Variants in ZBTB38 observed in about 807,000 individuals in gnomAD.
The protein encoded by ZBTB38 is zinc finger and BTB domain-containing protein 38.
In ZBTB38, 20 loss-of-function variants were observed where a neutral mutation model predicts 76.8. The observed-to-expected ratio is 0.26, with a 90% confidence interval of 0.18 to 0.38. The LOEUF (loss-of-function observed/expected upper bound fraction) is 0.38. Ranked by LOEUF, ZBTB38 falls within the 10% of genes least tolerant of loss-of-function variation. ZBTB38 has a pLI of 1.00. For synonymous variants in ZBTB38, 504 were observed against 544.2 expected (o/e 0.93, Z 1.03); for missense variants, 1,082 against 1,482.3 (o/e 0.73, Z 4.43).
rs1325676793 is a variant in ZBTB38 at position 141,402,462 on chromosome 3, C to G, written c.-105-1465C>G. 9 of 151,042 alleles carry G rather than the reference C, an allele frequency of 6.0e-5. No homozygotes were observed. The East Asian group carries it at 1.7e-3, about 29-fold the overall frequency. The allele number at this position is 151,042 out of a possible 1,614,324, so 9.4% of individuals were successfully genotyped here. A position where few individuals can be genotyped will look rare whatever the true frequency, so the allele number is the denominator to read the frequency against. On this transcript the variant is annotated intron_variant, in intron 4 of 5. Transcript: ENST00000321464. ...GGAGCCGAGCCCCGTAAGTGCCCCT[C>G]GCAGGGTCTTCGCGGGGCCGGGGGC...
chr3:141,444,813 G>A lies in ZBTB38; in HGVS notation c.2425G>A (p.Ala809Thr), dbSNP rs3732867. Residue 809 changes from alanine (A) to threonine (T), a missense_variant, in exon 6 of 6, where the codon GCT becomes ACT. By Grantham distance (58) the Ala-to-Thr change is moderately conservative (BLOSUM62 0). Coordinates refer to ENST00000321464, the MANE Select transcript of ZBTB38 (RefSeq NM_001376113.1). The surrounding 1 kb of genome is among the most constrained non-coding windows in gnomAD (Gnocchi z 5.1). ...ATCACTGAGCAAAACCACAAATATT[G>A]CTGAAGAAACCAGCAAAATTGAAAC... Reference protein sequence around the residue: ...GGSLSKTTNIAEETSKIETYI... With the variant: ...GGSLSKTTNITEETSKIETYI... 4.7e-3 allele frequency: 7,574 copies of A among 1,614,132 alleles called. 155 individuals carry two copies. The highest frequency in any genetic ancestry group is 0.046 in the African/African-American group (3,439 of 75,030).
intron 1 of ZBTB38, among the ~76,000 whole-genome samples, chr3:141,356,287 G>A (rs1943659935): frequency 6.6e-6 from 1 of 152,096 alleles, no homozygotes; most frequent in South Asian, 2.1e-4. Context: ...CTGGAGTAAG[G>A]AATAGGACTG....
chr3:141,346,197 T>C (rs979939439), intron 1 of ZBTB38, among the ~76,000 whole-genome samples: 1 of 152,150 alleles, frequency 6.6e-6, no homozygotes, highest in African/African-American at 2.4e-5. Context: ...ACAGGGTACC[T>C]TTAAAAAATA....
chr3:141,370,782 T>C (rs1415841905), intron 2 of ZBTB38, among the ~76,000 whole-genome samples: 1 of 152,236 alleles, frequency 6.6e-6, no homozygotes, highest in Admixed American at 6.5e-5. Context: ...TCTAGGACTA[T>C]ACTGGCTTTC....
chr3:141,342,721 T>G (rs919478055), intron 1 of ZBTB38, among the ~76,000 whole-genome samples: 1 of 143,766 alleles, frequency 7.0e-6, no homozygotes, highest in African/African-American at 2.7e-5. Context: ...TAAGGTCCCA[T>G]GATCTTTTTT....
At chr3:141,381,935 A>G (rs575596704) in intron 3 of ZBTB38, among the ~76,000 whole-genome samples, 2 of 152,344 alleles carry the variant, frequency 1.3e-5, no homozygotes, top group East Asian at 1.9e-4. Context: ...TAGTGTTTAA[A>G]TCATTTTAAT....
intron 5 of ZBTB38, among the ~76,000 whole-genome samples, chr3:141,410,043 G>A (rs1956125165): frequency 6.6e-6 from 1 of 152,140 alleles, no homozygotes; most frequent in Non-Finnish European, 1.5e-5. Context: ...ACCAAAGAAG[G>A]TTTTGCTCAA....
intron 4 of ZBTB38, among the ~76,000 whole-genome samples, chr3:141,395,263 A>G (rs1226301430): frequency 6.6e-6 from 1 of 152,234 alleles, no homozygotes; most frequent in East Asian, 1.9e-4. Flanking sequence ...GGTTAACATC[A>G]GGTTACTGCA....
chr3:141,347,384 C>A (rs1455803069), intron 1 of ZBTB38, among the ~76,000 whole-genome samples: 2 of 152,090 alleles, frequency 1.3e-5, no homozygotes, highest in Non-Finnish European at 2.9e-5. Context: ...CTGGACAAGA[C>A]ATAATTTGAT....
Position 141,444,214 on chromosome 3 carries a change from A to G in ZBTB38, c.1826A>G (p.His609Arg). The change falls in exon 6 of 6, where the codon CAC (histidine) becomes CGC (arginine). Residue 609 changes from histidine to arginine, a missense_variant. Around this residue, in one of 8 missense-constraint regions of ZBTB38, gnomAD observed 471 missense variants for 581.0 expected, o/e 0.81. Coordinates refer to ENST00000321464, the MANE Select transcript of ZBTB38 (RefSeq NM_001376113.1). The surrounding 1 kb of genome is among the most constrained non-coding windows in gnomAD (Gnocchi z 5.1). Reference protein sequence around the residue: ...APGTYVVQNPHSSELPTLNFQ... With the variant: ...APGTYVVQNPRSSELPTLNFQ... ...GGTACCTATGTTGTTCAGAATCCAC[A>G]CAGCTCTGAATTACCAACGCTGAAT... 1 of 1,614,216 alleles carries G rather than the reference A, an allele frequency of 6.2e-7. No individual in the cohort carries two copies. The highest frequency in any genetic ancestry group is 1.1e-5 in the South Asian group (1 of 91,088).
At chr3:141,416,274 C>T (rs2074032227) in intron 5 of ZBTB38, among the ~76,000 whole-genome samples, 1 of 152,178 alleles carries the variant, frequency 6.6e-6, no homozygotes, top group South Asian at 2.1e-4. Context: ...CCTTTTCAGC[C>T]CTTCCAAGTT....
At chr3:141,386,631 G>C (rs1947202337) in intron 3 of ZBTB38, 1 of 152,400 alleles carries the variant, frequency 6.6e-6, no homozygotes, top group African/African-American at 2.4e-5. Flanking sequence ...ATACTGTATT[G>C]AAAGCTTTCT....
intron 5 of ZBTB38, chr3:141,434,118 T>C (rs915090730): frequency 2.4e-6 from 2 of 833,060 alleles, no homozygotes; most frequent in African/African-American, 3.7e-5. Context: ...ATAGGGAAGA[T>C]ATAAATGTGA....
chr3:141,375,845 G>C (rs766376335), intron 2 of ZBTB38, among the ~76,000 whole-genome samples: 1 of 152,174 alleles, frequency 6.6e-6, no homozygotes, highest in Non-Finnish European at 1.5e-5. Context: ...GCCCCAAGCC[G>C]TGCCTGCCTT....
chr3:141,340,996 G>GAAGA (rs369398600), intron 1 of ZBTB38, among the ~76,000 whole-genome samples: 164 of 91,974 alleles, frequency 1.8e-3, no homozygotes, highest in African/African-American at 5.5e-3. Flanking sequence ...GAAAGAGAAA[G>GAAGA]AAGAAAGAAA....
intron 1 of ZBTB38, among the ~76,000 whole-genome samples, chr3:141,349,326 A>G (rs1210811163): frequency 3.3e-5 from 5 of 152,248 alleles, no homozygotes; most frequent in South Asian, 4.1e-4. Flanking sequence ...AGTACATTAT[A>G]TATTAATTCA....
intron 2 of ZBTB38, among the ~76,000 whole-genome samples, chr3:141,376,641 T>C (rs999157817): frequency 2.0e-5 from 3 of 152,226 alleles, no homozygotes; most frequent in Non-Finnish European, 2.9e-5. Context: ...ACCCATCACC[T>C]TGTTGTCCTG....
At chr3:141,410,744 C>T (rs1474922228) in intron 5 of ZBTB38, among the ~76,000 whole-genome samples, 1 of 152,174 alleles carries the variant, frequency 6.6e-6, no homozygotes, top group African/African-American at 2.4e-5. Flanking sequence ...TGTTTTCCAT[C>T]TTACAAAAGC....
intron 5 of ZBTB38, among the ~76,000 whole-genome samples, chr3:141,425,141 C>T (rs1000998344): frequency 6.6e-6 from 1 of 152,184 alleles, no homozygotes; most frequent in Non-Finnish European, 1.5e-5. Context: ...AGCCACTGTA[C>T]CAGACTGGAC....
Sources: gnomAD v4.1 joint callset for allele counts (sites outside exome capture counted in the v4.1 genomes callset) on GRCh38, gnomAD v4.1.1 for gene constraint, gnomAD v4.1.1 regional missense constraint, Gnocchi (gnomAD v3.1) non-coding constraint, MANE v1.5 for transcripts, NCBI Gene and HGNC (gene_info 2026-07-23, HGNC 2026-07-21) for gene names.